PDCD4: variants seen among roughly 807,000 people sequenced by gnomAD.
The protein encoded by PDCD4 is programmed cell death protein 4.
A neutral mutation model predicts 54.0 loss-of-function variants in PDCD4; 56 were observed. That is an observed-to-expected ratio of 1.04 (90% CI 0.84 to 1.30). The LOEUF is 1.30. Ranked by LOEUF, PDCD4 falls within the 50% of genes most tolerant of loss-of-function variation. The probability of loss-of-function intolerance (pLI) is 0.00; values close to 1 mark genes in which losing one functional copy is unlikely to be tolerated. For synonymous variants in PDCD4, 186 were observed against 194.8 expected (o/e 0.95, Z 0.37); for missense variants, 584 against 559.8 (o/e 1.04, Z -0.44).
chr10:110,887,133 A>G (rs1317389994), intron 5 of PDCD4, among the ~76,000 whole-genome samples: 1 of 152,192 alleles, frequency 6.6e-6, no homozygotes, highest in African/African-American at 2.4e-5. Flanking sequence ...GACAGACTGC[A>G]TATATACCTT....
intron 1 of PDCD4, among the ~76,000 whole-genome samples, chr10:110,875,141 T>G (rs1845482001): frequency 1.3e-5 from 2 of 152,166 alleles, no homozygotes; most frequent in African/African-American, 2.4e-5. Context: ...ACTATTTTGA[T>G]ATTTCTTTCA....
intron 6 of PDCD4, among the ~76,000 whole-genome samples, chr10:110,889,181 C>T (rs1439051351): frequency 1.4e-5 from 2 of 147,700 alleles, no homozygotes; most frequent in Non-Finnish European, 3.0e-5. Context: ...GAGATCGTGC[C>T]ACTGCACTCC....
chr10:110,882,006 T>C (rs1172185850), intron 3 of PDCD4, among the ~76,000 whole-genome samples: 1 of 152,222 alleles, frequency 6.6e-6, no homozygotes, highest in Non-Finnish European at 1.5e-5. Context: ...TGTAGTAGAT[T>C]GGTCTGTTTC....
rs1328106739 is a variant in PDCD4 at position 110,899,456 on chromosome 10, G to GTAAT, written c.*1372_*1375dup. On this transcript the variant is annotated 3_prime_UTR_variant, in exon 12 of 12. Coordinates refer to ENST00000280154, the MANE Select transcript of PDCD4 (RefSeq NM_014456.5). ...TTATTCTCAAGTGCTTAAAATTAAT[G>GTAAT]TAATTAAAAGCTTAGCTGACTACAG... 2 of 152,132 alleles carry GTAAT rather than the reference G, an allele frequency of 1.3e-5. No individual in the cohort carries two copies. Among genetic ancestry groups the GTAAT allele is most frequent in the Non-Finnish European group, 2.9e-5 (2 of 68,016 alleles). 9.4% of individuals were successfully genotyped at this position (152,132 alleles called of 1,614,324 possible).
At position 110,887,828 on chromosome 10, in the gene PDCD4, T is replaced by G. The variant is rs750593071; in HGVS notation, c.719T>G (p.Phe240Cys). Residue 240 changes from phenylalanine to cysteine, a missense_variant, in exon 6 of 12, where the codon TTT becomes TGT. Phe to Cys is a radical substitution (Grantham distance 205). Coordinates refer to ENST00000280154, the MANE Select transcript of PDCD4 (RefSeq NM_014456.5). ...AGCACAACTGATGTGGAAAAATCATTTGATAAATTGTTGAAAGATCTACCT... is the reference window on the plus strand; with the variant it reads ...AGCACAACTGATGTGGAAAAATCATGTGATAAATTGTTGAAAGATCTACCT... ...VMSTTDVEKSFDKLLKDLPEL... is the reference protein window; with the variant it reads ...VMSTTDVEKSCDKLLKDLPEL... 3.7e-6 allele frequency: 6 copies of G among 1,613,852 alleles called. No individual in the cohort carries two copies. Among genetic ancestry groups the G allele is most frequent in the Non-Finnish European group, 5.1e-6 (6 of 1,179,802 alleles).
chr10:110,886,292 T>A (rs1590732739), intron 5 of PDCD4, among the ~76,000 whole-genome samples: 1 of 152,324 alleles, frequency 6.6e-6, no homozygotes, highest in East Asian at 1.9e-4. Context: ...ACTATGTATC[T>A]GTTAACTGAG....
In PDCD4 at chr10:110,898,085, C is replaced by G. The variant is rs1282676060; in HGVS notation, c.1407C>G (p.Tyr469Ter). ...GAGGTCGTCTTAAACCAGAGAGCTA[C>G]TGAATATAAGAACTCTTGCAGTCTT... ...GDGGRLKPES[Y>*] The change falls in exon 12 of 12, where the codon TAC becomes TAG. Residue 469 changes from tyrosine to a stop codon, truncating the protein, a stop_gained. Coordinates refer to ENST00000280154, the MANE Select transcript of PDCD4 (RefSeq NM_014456.5). LOFTEE classifies it high-confidence loss of function. 1.3e-6 allele frequency: 2 copies of G among 1,562,486 alleles called. No homozygotes were observed. The highest frequency in any genetic ancestry group is 2.3e-5 in the East Asian group (1 of 43,568).
Position 110,876,007 on chromosome 10 carries a change from T to C in PDCD4, c.-21T>C, listed in dbSNP as rs527450857. ...TCCATTAGGTAATTTGTTTAATCAGTGCAAGCGAAATTAAGGGAAAATGGA... is the reference window on the plus strand; with the variant it reads ...TCCATTAGGTAATTTGTTTAATCAGCGCAAGCGAAATTAAGGGAAAATGGA... On this transcript the variant is annotated 5_prime_UTR_variant, in exon 2 of 12. Coordinates refer to ENST00000280154, the MANE Select transcript of PDCD4 (RefSeq NM_014456.5). The C allele has an allele frequency of 6.3e-7, 1 of 1,598,816 alleles. No homozygotes were observed. The highest frequency in any genetic ancestry group is 1.1e-5 in the South Asian group (1 of 90,428).
chr10:110,891,664 G>T (rs1180914217), intron 8 of PDCD4, among the ~76,000 whole-genome samples: 1 of 152,062 alleles, frequency 6.6e-6, no homozygotes, highest in Non-Finnish European at 1.5e-5. Flanking sequence ...TGAGGTGTGT[G>T]TGTGTGTTTG....
Position 110,898,007 on chromosome 10 carries a change from CT to C in PDCD4, c.1350-12del, listed in dbSNP as rs532010679. The C allele has an allele frequency of 9.5e-5, 144 of 1,515,228 alleles. No individual in the cohort carries two copies. Among genetic ancestry groups the C allele is most frequent in the Admixed American group, 2.6e-4 (14 of 52,916 alleles). The allele number at this position is 1,515,228 out of a possible 1,614,324, so 93.9% of individuals were successfully genotyped here. ...TCAGAATTTGTATCTGTTTTCATGT[CT>C]TTTTTTTTCTTCATTACAGGGGCAG... On this transcript the variant is annotated intron_variant, in intron 11 of 11. Coordinates refer to ENST00000280154, the MANE Select transcript of PDCD4 (RefSeq NM_014456.5).
At chr10:110,883,188 A>G in intron 4 of PDCD4, 91 bp downstream of exon 4, 1 of 792,868 alleles carries the variant, frequency 1.3e-6, no homozygotes. Context: ...GTGTCAAATC[A>G]TATGTATAAA....
intron 10 of PDCD4, 123 bp downstream of exon 10, chr10:110,894,645 T>C (rs2134006003): frequency 2.2e-6 from 1 of 455,324 alleles, no homozygotes. Flanking sequence ...TGCCTATATG[T>C]TTTGTTTTTT....
intron 4 of PDCD4, chr10:110,884,854 A>T (rs1036584722): frequency 1.3e-5 from 2 of 153,584 alleles, no homozygotes; most frequent in African/African-American, 4.8e-5. Flanking sequence ...GAGTGCAGTG[A>T]TGAATTATAG....
intron 3 of PDCD4, among the ~76,000 whole-genome samples, 156 bp downstream of exon 3, chr10:110,881,691 T>C (rs995553560): frequency 8.5e-5 from 13 of 152,378 alleles, no homozygotes; most frequent in Admixed American, 2.0e-4. Context: ...TTAGTAATAA[T>C]GTGAGAACCA....
In PDCD4 at chr10:110,889,258, C is replaced by A. The variant is rs923280615; in HGVS notation, c.778-275C>A. On this transcript the variant is annotated intron_variant, in intron 6 of 11. Transcript: ENST00000280154. ...AAAAAAAAAAAAATTTGATCATATG[C>A]TATGTATTCAGGCAGTGTGCAAGGT... Among the ~76,000 whole-genome samples the A allele has an allele frequency of 5.4e-5, 8 of 149,226 alleles. No homozygotes were observed. The Admixed American group carries it at 5.4e-4, about 10-fold the overall frequency.
At chr10:110,893,569 A>T (rs985832674) in intron 8 of PDCD4, among the ~76,000 whole-genome samples, 1 of 152,030 alleles carries the variant, frequency 6.6e-6, no homozygotes, top group Non-Finnish European at 1.5e-5. Flanking sequence ...ATTATTGAAC[A>T]TTTTAGATAA....
chr10:110,879,789 T>C (rs781497490), intron 2 of PDCD4, among the ~76,000 whole-genome samples: 4 of 152,162 alleles, frequency 2.6e-5, no homozygotes, highest in Non-Finnish European at 5.9e-5. Context: ...AGACTACTTA[T>C]GAGACTAGTG....
intron 1 of PDCD4, among the ~76,000 whole-genome samples, chr10:110,875,315 T>G (rs1404365956): frequency 6.6e-6 from 1 of 152,130 alleles, no homozygotes; most frequent in Non-Finnish European, 1.5e-5. Flanking sequence ...GATCAGATTT[T>G]TAAAAAATGG....
At chr10:110,879,734 G>A (rs1456760811) in intron 2 of PDCD4, among the ~76,000 whole-genome samples, 1 of 152,044 alleles carries the variant, frequency 6.6e-6, no homozygotes, top group Non-Finnish European at 1.5e-5. Flanking sequence ...GCATGCTTGA[G>A]AAAATCAGTC....
Sources: gnomAD v4.1 joint callset for allele counts (sites outside exome capture counted in the v4.1 genomes callset) on GRCh38, gnomAD v4.1.1 for gene constraint, MANE v1.5 for transcripts, NCBI Gene and HGNC (gene_info 2026-07-23, HGNC 2026-07-21) for gene names.